Variants in SMYD3 observed in about 807,000 individuals in gnomAD.
SMYD3 encodes SET and MYND domain containing 3.
Under a neutral mutation model 57.7 loss-of-function variants are expected in SMYD3, and 36 were observed. The ratio of observed to expected loss-of-function variants is 0.62; its 90% CI spans 0.48 to 0.82. The LOEUF (loss-of-function observed/expected upper bound fraction) is 0.82, where lower values mean the gene tolerates loss of function less well. Among genes scored for constraint, SMYD3 ranks in the 40% least tolerant of loss-of-function variants. The pLI is 0.00. For missense variants in SMYD3, 515 were observed against 538.8 expected (o/e 0.96, Z 0.44); for synonymous variants, 211 against 195.0 (o/e 1.08, Z -0.68).
At chr1:246,334,009 C>T (rs1474499322) in intron 3 of SMYD3, among the ~76,000 whole-genome samples, 3 of 151,904 alleles carry the variant, frequency 2.0e-5, no homozygotes, top group African/African-American at 7.3e-5. Context: ...AAATGCAAAT[C>T]AAAACCACAA....
chr1:246,455,430 C>T (rs1300755086), intron 1 of SMYD3, among the ~76,000 whole-genome samples: 3 of 152,114 alleles, frequency 2.0e-5, no homozygotes, highest in African/African-American at 7.2e-5. Flanking sequence ...ATTTTATTTA[C>T]ACAAAATCTA....
chr1:246,324,984 CAG>C (rs1491465917), intron 5 of SMYD3, among the ~76,000 whole-genome samples: 1 of 92,738 alleles, frequency 1.1e-5, no homozygotes, highest in Non-Finnish European at 2.1e-5. Flanking sequence ...GAGAAGGAGT[CAG>C]GGGGCGGGAA....
At chr1:245,887,029 G>A (rs1306444145) in intron 8 of SMYD3, among the ~76,000 whole-genome samples, 1 of 152,154 alleles carries the variant, frequency 6.6e-6, no homozygotes, top group Admixed American at 6.5e-5. Context: ...ATGTGAACCA[G>A]AGCAACTCCA....
intron 5 of SMYD3, among the ~76,000 whole-genome samples, chr1:246,247,275 C>T (rs552082923): frequency 9.3e-4 from 137 of 146,850 alleles, no homozygotes; most frequent in Non-Finnish European, 1.7e-3. Flanking sequence ...ATTCTGAGGT[C>T]CCAGATCTCA....
In SMYD3 at chr1:245,764,058, T is replaced by C. The variant is rs767747986; in HGVS notation, c.1168A>G (p.Met390Val). 1.6e-5 allele frequency: 26 copies of C among 1,613,634 alleles called. No homozygotes were observed. The highest frequency in any genetic ancestry group is 1.2e-4 in the South Asian group (11 of 91,078). The change falls in exon 11 of 12, where the codon ATG becomes GTG. Residue 390 changes from methionine to valine, a missense_variant. Met to Val is a conservative substitution (Grantham distance 21). Transcript: ENST00000490107. ...QLHQGMFPQA[M>V]KNLRLAFDIM... is the part of the protein sequence containing the mutation. Reference sequence around the variant, plus strand: ...ACACTCACCAGTCTCAGATTCTTCATTGCTTGGGGAAACATGCCTTGATGT... The same window carrying C: ...ACACTCACCAGTCTCAGATTCTTCACTGCTTGGGGAAACATGCCTTGATGT...
intron 10 of SMYD3, among the ~76,000 whole-genome samples, chr1:245,770,495 T>C (rs2046291882): frequency 6.6e-6 from 1 of 152,216 alleles, no homozygotes; most frequent in African/African-American, 2.4e-5. Flanking sequence ...TGGATTAAGG[T>C]ACGAACTCTT....
intron 11 of SMYD3, among the ~76,000 whole-genome samples, chr1:245,756,491 TTTTC>T (rs1215348186): frequency 2.0e-5 from 3 of 152,106 alleles, no homozygotes; most frequent in African/African-American, 7.2e-5. Context: ...TCTTTTATCA[TTTTC>T]TTTCTGTTTA....
At chr1:246,201,512 G>A (rs1230064689) in intron 5 of SMYD3, among the ~76,000 whole-genome samples, 3 of 152,128 alleles carry the variant, frequency 2.0e-5, no homozygotes, top group African/African-American at 7.2e-5. Flanking sequence ...CAAAAACATG[G>A]CAGTACCAGC....
At chr1:246,440,876 T>C (rs2067452374) in intron 1 of SMYD3, among the ~76,000 whole-genome samples, 1 of 152,168 alleles carries the variant, frequency 6.6e-6, no homozygotes, top group African/African-American at 2.4e-5. Context: ...CCGTCTTTTG[T>C]ATTTTCCTAA....
At chr1:245,931,935 T>C (rs2056748377) in intron 5 of SMYD3, among the ~76,000 whole-genome samples, 1 of 152,234 alleles carries the variant, frequency 6.6e-6, no homozygotes, top group African/African-American at 2.4e-5. Context: ...AAACAAATGC[T>C]AAATTGCTTT....
intron 5 of SMYD3, among the ~76,000 whole-genome samples, chr1:245,983,090 C>G (rs1478345338): frequency 6.6e-6 from 1 of 152,178 alleles, no homozygotes; most frequent in East Asian, 1.9e-4. Flanking sequence ...TGATCTTTCC[C>G]CCCATGCTAC....
Position 246,336,974 on chromosome 1 carries a change from G to A in SMYD3, c.229-1500C>T, listed in dbSNP as rs961247166. ...TTCACCAAGTATTAAATCACAGGAG[G>A]GATTTATTCCAAGAATGCTAATCAA... On this transcript the variant is annotated intron_variant, in intron 2 of 11. Transcript: ENST00000490107. 2.0e-5 allele frequency among the ~76,000 whole-genome samples: 3 copies of A among 152,172 alleles called. No individual in the cohort carries two copies. The South Asian group carries it at 6.2e-4, about 32-fold the overall frequency.
At chr1:245,848,465 TG>T (rs2050782062) in intron 10 of SMYD3, among the ~76,000 whole-genome samples, 1 of 152,034 alleles carries the variant, frequency 6.6e-6, no homozygotes, top group Non-Finnish European at 1.5e-5. Flanking sequence ...TAACCCAAGT[TG>T]GAGCATGTGG....
chr1:246,088,415 C>G (rs1235793787), intron 5 of SMYD3, among the ~76,000 whole-genome samples: 12 of 150,062 alleles, frequency 8.0e-5, no homozygotes, highest in South Asian at 6.4e-4. Context: ...CGAGACCATC[C>G]TGGCTAACAC....
intron 11 of SMYD3, among the ~76,000 whole-genome samples, chr1:245,756,340 G>A (rs1406992027): frequency 6.6e-6 from 1 of 151,316 alleles, no homozygotes; most frequent in African/African-American, 2.4e-5. Context: ...CATACATTTA[G>A]AATCATATCA....
chr1:246,400,777 C>T (rs929234975), intron 1 of SMYD3, among the ~76,000 whole-genome samples: 1 of 151,976 alleles, frequency 6.6e-6, no homozygotes, highest in African/African-American at 2.4e-5. Flanking sequence ...GAAACAATAT[C>T]AGCCATGTAA....
chr1:245,786,216 G>GGC lies in SMYD3; in HGVS notation c.1077-22068_1077-22067insGC, dbSNP rs560770438. Among the ~76,000 whole-genome samples the GGC allele has an allele frequency of 4.3e-5, 6 of 138,316 alleles. 1 individual carries two copies. Among genetic ancestry groups the GGC allele is most frequent in the African/African-American group, 1.6e-4 (6 of 38,612 alleles). 90.7% of individuals were successfully genotyped at this position (138,316 alleles called of 152,430 possible). ...CTGAGTTGAGTTGGGGTGTGGACGG[G>GGC]GGGGGGATGGTGGCAACAGAATATT... On this transcript the variant is annotated intron_variant, in intron 10 of 11. Transcript: ENST00000490107.
At chr1:246,068,470 C>T (rs185240153) in intron 5 of SMYD3, among the ~76,000 whole-genome samples, 1 of 152,204 alleles carries the variant, frequency 6.6e-6, no homozygotes, top group African/African-American at 2.4e-5. Context: ...TGATCTAAAC[C>T]TAAATGGTTA....
chr1:246,452,167 G>C lies in SMYD3; in HGVS notation c.164+54887C>G, dbSNP rs780000166. 4.4e-4 allele frequency among the ~76,000 whole-genome samples: 67 copies of C among 152,270 alleles called. 1 individual carries two copies. The highest frequency in any genetic ancestry group is 1.0e-3 in the South Asian group (5 of 4,830). ...TGTCAAATACTTACAGCATCACACA[G>C]TGACACCAAAACCTGACAACGAACA... On this transcript the variant is annotated intron_variant, in intron 1 of 11. Transcript: ENST00000490107.
Sources: gnomAD v4.1 joint callset for allele counts (sites outside exome capture counted in the v4.1 genomes callset) on GRCh38, gnomAD v4.1.1 for gene constraint, MANE v1.5 for transcripts, NCBI Gene and HGNC (gene_info 2026-07-23, HGNC 2026-07-21) for gene names.